Variants in DCX observed in about 807,000 individuals in gnomAD.
DCX encodes the protein doublecortin, also known as neuronal migration protein doublecortin.
A neutral mutation model predicts 20.9 loss-of-function variants in DCX; 4 were observed. That is an observed-to-expected ratio of 0.19 (90% CI 0.09 to 0.44). DCX has a LOEUF of 0.44. DCX is among the 20% of genes least tolerant of loss of function. DCX has a pLI of 0.99. For missense variants in DCX, 133 were observed against 296.9 expected (o/e 0.45, Z 4.06); for synonymous variants, 103 against 111.4 (o/e 0.92, Z 0.47).
At chrX:111,383,784 G>A (rs930132463) in intron 3 of DCX, among the ~76,000 whole-genome samples, 9 of 111,020 alleles carry the variant, frequency 8.1e-5, no homozygotes, top group African/African-American at 2.6e-4. Context: ...ACTGACACTC[G>A]TGCCTGGGTC....
At chrX:111,368,885 GAT>G (rs199765878) in intron 3 of DCX, among the ~76,000 whole-genome samples, 1 of 94,727 alleles carries the variant, frequency 1.1e-5, no homozygotes. Flanking sequence ...ACTAATACGG[GAT>G]ATATATATAT....
chrX:111,407,802 GCACACACACA>G (rs34206475), intron 2 of DCX, among the ~76,000 whole-genome samples: 4 of 90,267 alleles, frequency 4.4e-5, no homozygotes, highest in Non-Finnish European at 8.7e-5. Context: ...ACATCAATAC[GCACACACACA>G]CACACACACA....
rs41304474 is a variant in DCX, at chrX:111,295,436, A to C, written c.*6251T>G. 1 of 112,191 alleles carries C rather than the reference A, an allele frequency of 8.9e-6. No individual in the cohort carries two copies. The highest frequency in any genetic ancestry group is 1.9e-5 in the Non-Finnish European group (1 of 53,185). The allele number at this position is 112,191 out of a possible 1,213,427, so 9.2% of individuals were successfully genotyped here. On this transcript the variant is annotated 3_prime_UTR_variant, in exon 7 of 7. Transcript: ENST00000636035. ...ATTTGTTAAATTATCTTTTCATTTA[A>C]ATCAACTCCGATTGCCTACCAGTTT...
intron 2 of DCX, 32 bp from the exon 3 acceptor site, chrX:111,401,362 G>A (rs1285241421): frequency 9.0e-7 from 1 of 1,111,524 alleles, no homozygotes; most frequent in Non-Finnish European, 1.2e-6. Context: ...TAGGTGATTA[G>A]TTTAATAGCA....
At position 111,295,371 on chromosome X, in the gene DCX, A is replaced by C. The variant is rs2147557835; in HGVS notation, c.*6316T>G. On this transcript the variant is annotated 3_prime_UTR_variant, in exon 7 of 7. Transcript: ENST00000636035. ...TGTTTAGGTGACTCAGAAGGAAAAA[A>C]TACATGTCAATTAAGCAAATGTCTC... 1 of 112,217 alleles carries C rather than the reference A, an allele frequency of 8.9e-6. No homozygotes were observed. Among genetic ancestry groups the C allele is most frequent in the East Asian group, 2.8e-4 (1 of 3,573 alleles). 9.2% of individuals were successfully genotyped at this position (112,217 alleles called of 1,213,427 possible). A position where few individuals can be genotyped will look rare whatever the true frequency, so the allele number is the denominator to read the frequency against.
intron 6 of DCX, among the ~76,000 whole-genome samples, chrX:111,312,112 G>A (rs1306764781): frequency 8.9e-6 from 1 of 112,864 alleles, no homozygotes; most frequent in Non-Finnish European, 1.9e-5. Context: ...CCAATGCAAT[G>A]TGTATATGTG....
chrX:111,348,843 C>T (rs1020699442), intron 3 of DCX, among the ~76,000 whole-genome samples: 2 of 103,158 alleles, frequency 1.9e-5, no homozygotes, highest in African/African-American at 7.2e-5. Flanking sequence ...TTTTGAATCA[C>T]GTAGGGGAAG....
At position 111,297,623 on chromosome X, in the gene DCX, A is replaced by G; in HGVS notation, c.*4064T>C. The G allele has an allele frequency of 9.0e-6, 1 of 111,674 alleles. No individual in the cohort carries two copies. Among genetic ancestry groups the G allele is most frequent in the Middle Eastern group, 4.6e-3 (1 of 217 alleles). The allele number at this position is 111,674 out of a possible 1,213,427, so 9.2% of individuals were successfully genotyped here. On this transcript the variant is annotated 3_prime_UTR_variant, in exon 7 of 7. Coordinates refer to ENST00000636035, the MANE Select transcript of DCX (RefSeq NM_001195553.2). Reference sequence around the variant, plus strand: ...TGTGGAGGAGAAGGAGGAAGGAGAGAGAAGTACCTGAGGAGTGGGGTAAGC... The same window carrying G: ...TGTGGAGGAGAAGGAGGAAGGAGAGGGAAGTACCTGAGGAGTGGGGTAAGC...
chrX:111,361,304 T>TA (rs1222657352), intron 3 of DCX, among the ~76,000 whole-genome samples: 2 of 111,995 alleles, frequency 1.8e-5, no homozygotes, highest in African/African-American at 6.5e-5. Context: ...TATGTGTACT[T>TA]AAAAAAATAA....
chrX:111,307,760 A>G (rs994692925), intron 6 of DCX, among the ~76,000 whole-genome samples: 3 of 112,195 alleles, frequency 2.7e-5, no homozygotes, highest in Non-Finnish European at 5.6e-5. Flanking sequence ...TATGGAGGCC[A>G]CTTTGAGTCC....
Position 111,401,261 on chromosome X carries a change from T to C in DCX, c.434A>G (p.Asn145Ser). The C allele has an allele frequency of 1.7e-6, 2 of 1,211,840 alleles. No individual in the cohort carries two copies. Among genetic ancestry groups the C allele is most frequent in the Non-Finnish European group, 1.1e-6 (1 of 895,486 alleles). ...AGATGTTTTTACGTTGACAGACCAG[T>C]TGGGATTGACATTCTTGGTGTACTC... ...KVEYTKNVNP[N>S]WSVNVKTSAN... The change falls in exon 3 of 7, where the codon AAC (asparagine) becomes AGC (serine). Residue 145 changes from asparagine (N) to serine (S), a missense_variant. This residue lies in a region of DCX where 65 missense variants were observed against 212.6 expected (regional missense o/e 0.31). Coordinates refer to ENST00000636035, the MANE Select transcript of DCX (RefSeq NM_001195553.2).
At chrX:111,410,707 A>T in intron 1 of DCX, 1 of 1,149,899 alleles carries the variant, frequency 8.7e-7, no homozygotes, top group Admixed American at 2.2e-5. Context: ...TGTTCCAGAC[A>T]GAGGAGAAGG....
chrX:111,386,712 G>A (rs1237088715), intron 3 of DCX, among the ~76,000 whole-genome samples: 1 of 111,007 alleles, frequency 9.0e-6, no homozygotes, highest in Non-Finnish European at 1.9e-5. Flanking sequence ...CTTTTCTCTG[G>A]ATGAACTGCA....
intron 2 of DCX, among the ~76,000 whole-genome samples, chrX:111,409,390 G>C (rs1233128736): frequency 9.0e-6 from 1 of 111,277 alleles, no homozygotes; most frequent in Non-Finnish European, 1.9e-5. Context: ...TTTAGGTATA[G>C]TGAGTCAAAT....
At chrX:111,311,818 T>G (rs1466254080) in intron 6 of DCX, among the ~76,000 whole-genome samples, 1 of 112,634 alleles carries the variant, frequency 8.9e-6, no homozygotes, top group Non-Finnish European at 1.9e-5. Flanking sequence ...TTAGTCATAT[T>G]GGTGGCTTTT....
At chrX:111,401,938 A>G (rs1927824211) in intron 2 of DCX, among the ~76,000 whole-genome samples, 1 of 112,441 alleles carries the variant, frequency 8.9e-6, no homozygotes, top group Admixed American at 9.4e-5. Flanking sequence ...ATGTGTGTGC[A>G]TATGTTGAAT....
At chrX:111,313,912 T>TG (rs1196583147) in intron 5 of DCX, among the ~76,000 whole-genome samples, 31 of 56,795 alleles carry the variant, frequency 5.5e-4, no homozygotes, top group Non-Finnish European at 9.2e-4. Context: ...GGAGAAAGAG[T>TG]GGGGGGGAGG....
chrX:111,349,493 C>T, intron 3 of DCX, among the ~76,000 whole-genome samples: 1 of 111,395 alleles, frequency 9.0e-6, no homozygotes, highest in Non-Finnish European at 1.9e-5. Flanking sequence ...AGGAAGGATG[C>T]TAACTTTTCA....
intron 5 of DCX, among the ~76,000 whole-genome samples, chrX:111,320,864 T>C (rs756244681): frequency 9.2e-6 from 1 of 108,179 alleles, no homozygotes; most frequent in Admixed American, 9.9e-5. Context: ...CACACACACA[T>C]GCACACACAT....
Sources: gnomAD v4.1 joint callset for allele counts (sites outside exome capture counted in the v4.1 genomes callset) on GRCh38, gnomAD v4.1.1 for gene constraint, gnomAD v4.1.1 regional missense constraint, MANE v1.5 for transcripts, NCBI Gene and HGNC (gene_info 2026-07-23, HGNC 2026-07-21) for gene names.